ARHGAP18: variants seen among roughly 807,000 people sequenced by gnomAD.
ARHGAP18 encodes the protein Rho GTPase activating protein 18.
In ARHGAP18, 67 loss-of-function variants were observed where a neutral mutation model predicts 86.2. The ratio of observed to expected loss-of-function variants is 0.78; its 90% CI spans 0.64 to 0.95. The LOEUF is 0.95. ARHGAP18 is among the 40% of genes least tolerant of loss of function. The pLI is 0.00. For synonymous variants in ARHGAP18, 283 were observed against 280.4 expected (o/e 1.01, Z -0.09); for missense variants, 691 against 780.4 (o/e 0.89, Z 1.37).
In ARHGAP18 at chr6:129,602,709, T is replaced by G. The variant is rs141217795; in HGVS notation, c.1366-1861A>C. On this transcript the variant is annotated intron_variant, in intron 10 of 14. Coordinates refer to ENST00000368149, the MANE Select transcript of ARHGAP18 (RefSeq NM_033515.3). ...CATGTTCTCAAATGAGGACAAAAGA[T>G]TAATTGAAGTTTGGAAAAAATATTT... Among the ~76,000 whole-genome samples the G allele has an allele frequency of 3.3e-3, 505 of 152,208 alleles. 4 individuals carry two copies. The highest frequency in any genetic ancestry group is 0.012 in the African/African-American group (485 of 41,552).
intron 1 of ARHGAP18, among the ~76,000 whole-genome samples, chr6:129,683,050 T>TC (rs1447434160): frequency 1.9e-5 from 2 of 107,100 alleles, no homozygotes; most frequent in Non-Finnish European, 3.9e-5. Context: ...TGTGTTTTGT[T>TC]TTTTCTTTTT....
At chr6:129,686,108 G>A (rs6928167) in intron 1 of ARHGAP18, among the ~76,000 whole-genome samples, 75,800 of 152,018 alleles carry the variant, frequency 0.5, 19,124 homozygotes, top group Admixed American at 0.56. Flanking sequence ...GAGCTCTCCC[G>A]TGATGCAGCA....
intron 1 of ARHGAP18, among the ~76,000 whole-genome samples, chr6:129,707,509 C>T (rs1480145748): frequency 4.6e-5 from 7 of 152,088 alleles, no homozygotes; most frequent in Non-Finnish European, 1.0e-4. Flanking sequence ...CACTCCCTCA[C>T]CCAGGCTGGA....
chr6:129,682,286 A>C (rs1352964998), intron 1 of ARHGAP18, among the ~76,000 whole-genome samples: 1 of 152,196 alleles, frequency 6.6e-6, no homozygotes, highest in Non-Finnish European at 1.5e-5. Context: ...CCAGCTTTGG[A>C]ACATAAAACA....
At chr6:129,646,796 G>A (rs748173126) in intron 1 of ARHGAP18, among the ~76,000 whole-genome samples, 7 of 152,144 alleles carry the variant, frequency 4.6e-5, no homozygotes, top group African/African-American at 7.2e-5. Flanking sequence ...GAGAGAGTGA[G>A]AGTGAAAGAG....
chr6:129,630,975 A>G (rs1282034561), intron 4 of ARHGAP18, among the ~76,000 whole-genome samples: 1 of 152,206 alleles, frequency 6.6e-6, no homozygotes, highest in East Asian at 1.9e-4. Context: ...TGCCATGTAT[A>G]TTTATGTTTC....
At chr6:129,605,144 C>A (rs1207092714) in intron 10 of ARHGAP18, among the ~76,000 whole-genome samples, 1 of 151,826 alleles carries the variant, frequency 6.6e-6, no homozygotes, top group Non-Finnish European at 1.5e-5. Flanking sequence ...ATTTTTTTTC[C>A]TTTTTCTAAG....
At chr6:129,644,055 C>A (rs1288660251) in intron 1 of ARHGAP18, among the ~76,000 whole-genome samples, 1 of 152,172 alleles carries the variant, frequency 6.6e-6, no homozygotes, top group Non-Finnish European at 1.5e-5. Context: ...CATGAATAAA[C>A]AATCACTATA....
chr6:129,698,194 T>C (rs1377374456), intron 1 of ARHGAP18, among the ~76,000 whole-genome samples: 2 of 152,208 alleles, frequency 1.3e-5, no homozygotes, highest in Non-Finnish European at 2.9e-5. Context: ...CACTTATTTT[T>C]TTCTAGGCTT....
chr6:129,581,562 A>G (rs1788289497), intron 13 of ARHGAP18, among the ~76,000 whole-genome samples: 1 of 152,194 alleles, frequency 6.6e-6, no homozygotes, highest in South Asian at 2.1e-4. Context: ...ACTGATTCTC[A>G]AGTACCTGTG....
chr6:129,585,059 T>G (rs1584021485), intron 12 of ARHGAP18, among the ~76,000 whole-genome samples: 1 of 152,032 alleles, frequency 6.6e-6, no homozygotes, highest in East Asian at 1.9e-4. Context: ...CTTGAATTGT[T>G]TTTTTAAAAA....
At chr6:129,644,819 C>T (rs980251511) in intron 1 of ARHGAP18, among the ~76,000 whole-genome samples, 1 of 152,158 alleles carries the variant, frequency 6.6e-6, no homozygotes, top group African/African-American at 2.4e-5. Flanking sequence ...TTGAGTAACA[C>T]CATTGTTACA....
chr6:129,604,124 CTAAT>C (rs1382239245), intron 10 of ARHGAP18, among the ~76,000 whole-genome samples: 1 of 152,052 alleles, frequency 6.6e-6, no homozygotes, highest in Non-Finnish European at 1.5e-5. Flanking sequence ...GCAGAGCTGG[CTAAT>C]TAAGTCACTA....
intron 1 of ARHGAP18, among the ~76,000 whole-genome samples, chr6:129,653,934 T>G (rs1773773091): frequency 6.6e-6 from 1 of 152,052 alleles, no homozygotes; most frequent in Non-Finnish European, 1.5e-5. Context: ...TCCCAGCTAC[T>G]CAGGAGGCTG....
At chr6:129,698,684 A>T (rs1584121062) in intron 1 of ARHGAP18, among the ~76,000 whole-genome samples, 1 of 130,496 alleles carries the variant, frequency 7.7e-6, no homozygotes, top group Admixed American at 8.4e-5. Context: ...GTGTACCACC[A>T]CGCCCAGTTT....
rs374372548 is a variant in ARHGAP18 at position 129,578,519 on chromosome 6, T to C, written c.1986A>G (p.Pro662=). ...CTGCAGCTTGTTAAGTCTTCTACAA[T>C]GGCTTTGACTTTATAACCCACTCAG... ...PNAEWVIKSK[P]L The change falls in exon 15 of 15, where the codon CCA becomes CCG. Residue 662 remains proline, a synonymous_variant. Coordinates refer to ENST00000368149, the MANE Select transcript of ARHGAP18 (RefSeq NM_033515.3). 1.2e-6 allele frequency: 2 copies of C among 1,610,550 alleles called. No individual in the cohort carries two copies. Among genetic ancestry groups the C allele is most frequent in the African/African-American group, 1.3e-5 (1 of 74,828 alleles).
At chr6:129,583,913 A>AAGC in intron 13 of ARHGAP18, 75 bp downstream of exon 13, 1 of 1,526,584 alleles carries the variant, frequency 6.6e-7, no homozygotes, top group Non-Finnish European at 8.8e-7. Flanking sequence ...AAGGAAGAAG[A>AAGC]AGCAGCAGCG....
At chr6:129,634,299 T>A (rs1382949426) in intron 3 of ARHGAP18, among the ~76,000 whole-genome samples, 194 bp from the exon 4 acceptor site, 1 of 152,088 alleles carries the variant, frequency 6.6e-6, no homozygotes, top group African/African-American at 2.4e-5. Flanking sequence ...CTACAACTTG[T>A]AAGAGACAAT....
chr6:129,578,067 C>G lies in ARHGAP18; in HGVS notation c.*446G>C, dbSNP rs1232896122. 1 of 152,058 alleles carries G rather than the reference C, an allele frequency of 6.6e-6. No homozygotes were observed. Among genetic ancestry groups the G allele is most frequent in the Non-Finnish European group, 1.5e-5 (1 of 68,020 alleles). The allele number at this position is 152,058 out of a possible 1,614,324, so 9.4% of individuals were successfully genotyped here. A position where few individuals can be genotyped will look rare whatever the true frequency, so the allele number is the denominator to read the frequency against. Reference sequence around the variant, plus strand: ...GTGCTGTCTTCACAACTTGCCATACCTGGTATTTGTTATCTTTTTGGTCAA... The same window carrying G: ...GTGCTGTCTTCACAACTTGCCATACGTGGTATTTGTTATCTTTTTGGTCAA... On this transcript the variant is annotated 3_prime_UTR_variant, in exon 15 of 15. Transcript: ENST00000368149.
Sources: gnomAD v4.1 joint callset for allele counts (sites outside exome capture counted in the v4.1 genomes callset) on GRCh38, gnomAD v4.1.1 for gene constraint, MANE v1.5 for transcripts, NCBI Gene and HGNC (gene_info 2026-07-23, HGNC 2026-07-21) for gene names.